The following TBC1D32 variants were observed in gnomAD, a reference collection of about 807,000 sequenced individuals.
The protein encoded by TBC1D32 is TBC1 domain family member 32, also known as protein broad-minded.
In TBC1D32, 151 loss-of-function variants were observed where a neutral mutation model predicts 170.3. That is an observed-to-expected ratio of 0.89 (90% confidence interval 0.78 to 1.01). The LOEUF (loss-of-function observed/expected upper bound fraction) is 1.01. Among genes scored for constraint, TBC1D32 ranks in the 50% least tolerant of loss-of-function variants. The pLI is 0.00. For missense variants in TBC1D32, 1,464 were observed against 1,457.1 expected, an observed-to-expected ratio of 1.00 and a Z score of -0.08; for synonymous variants, 498 against 488.0, an observed-to-expected ratio of 1.02 and a Z score of -0.27.
At chr6:121,199,326 G>C (rs201260503) in intron 22 of TBC1D32, among the ~76,000 whole-genome samples, 1 of 151,194 alleles carries the variant, frequency 6.6e-6, no homozygotes, top group Admixed American at 6.6e-5. Flanking sequence ...TTATAGGTGT[G>C]AATGGATAAT....
In TBC1D32 at chr6:121,141,798, T is replaced by TA. The variant is rs879733008; in HGVS notation, c.2774-10047dup. 1.9e-3 allele frequency among the ~76,000 whole-genome samples: 283 copies of TA among 145,400 alleles called. 2 individuals carry two copies. Among genetic ancestry groups the TA allele is most frequent in the Admixed American group, 4.3e-3 (63 of 14,500 alleles). On this transcript the variant is annotated intron_variant, in intron 24 of 31. Transcript: ENST00000398212. ...TCGGTCAGGGTGGTGGGAAAAGTTG[T>TA]AAAAAAAAAAAGTTACAGGAAAGAC...
At chr6:121,194,783 A>T (rs1790510653) in intron 22 of TBC1D32, among the ~76,000 whole-genome samples, 2 of 152,200 alleles carry the variant, frequency 1.3e-5, no homozygotes, top group Admixed American at 1.3e-4. Flanking sequence ...ACCCAGAGAG[A>T]ACTTGATTGC....
intron 24 of TBC1D32, among the ~76,000 whole-genome samples, chr6:121,147,601 AT>A (rs960199989): frequency 6.0e-5 from 9 of 150,012 alleles, no homozygotes; most frequent in African/African-American, 2.0e-4. Context: ...TTATTTTTTT[AT>A]TTTTTTTGAG....
At chr6:121,176,798 C>G (rs1389287586) in intron 22 of TBC1D32, among the ~76,000 whole-genome samples, 2 of 152,076 alleles carry the variant, frequency 1.3e-5, no homozygotes, top group African/African-American at 4.8e-5. Context: ...GGGGTTTCAC[C>G]ATGTTGGCCA....
At chr6:121,309,263 T>C (rs1458523077) in intron 4 of TBC1D32, among the ~76,000 whole-genome samples, 2 of 152,230 alleles carry the variant, frequency 1.3e-5, no homozygotes, top group Admixed American at 6.5e-5. Flanking sequence ...ATTAAGAATT[T>C]ACTACTTGCA....
chr6:121,188,576 AAGAT>A (rs1000315327), intron 22 of TBC1D32, among the ~76,000 whole-genome samples: 93 of 152,206 alleles, frequency 6.1e-4, no homozygotes, highest in African/African-American at 1.8e-3. Flanking sequence ...TAAACAAATC[AAGAT>A]AGTGTAAGCG....
intron 17 of TBC1D32, among the ~76,000 whole-genome samples, chr6:121,248,922 A>C (rs1391418333): frequency 6.6e-6 from 1 of 151,902 alleles, no homozygotes; most frequent in Non-Finnish European, 1.5e-5. Flanking sequence ...CCAAAAGATA[A>C]AGAGAGAATC....
intron 24 of TBC1D32, among the ~76,000 whole-genome samples, chr6:121,145,395 T>G (rs1317152178): frequency 1.3e-5 from 2 of 152,084 alleles, no homozygotes; most frequent in Admixed American, 6.6e-5. Flanking sequence ...ATAATCTCGC[T>G]TATGTGCAAA....
At chr6:121,325,515 C>T (rs896009977) in intron 1 of TBC1D32, among the ~76,000 whole-genome samples, 9 of 152,230 alleles carry the variant, frequency 5.9e-5, no homozygotes, top group Admixed American at 3.9e-4. Flanking sequence ...CAAAAACAAG[C>T]AATGGGGAAA....
At chr6:121,126,665 T>C (rs1450861525) in intron 25 of TBC1D32, among the ~76,000 whole-genome samples, 1 of 152,086 alleles carries the variant, frequency 6.6e-6, no homozygotes, top group African/African-American at 2.4e-5. Context: ...GCTAAGAACC[T>C]AGTCAATATA....
chr6:121,241,137 G>A (rs887642105), intron 19 of TBC1D32, among the ~76,000 whole-genome samples: 5 of 152,112 alleles, frequency 3.3e-5, no homozygotes, highest in African/African-American at 1.2e-4. Context: ...ACTGTACTGA[G>A]AGAAGATGAT....
At chr6:121,229,257 A>G (rs988779718) in intron 20 of TBC1D32, among the ~76,000 whole-genome samples, 3 of 152,082 alleles carry the variant, frequency 2.0e-5, no homozygotes, top group East Asian at 3.9e-4. Flanking sequence ...TTTATTTCTC[A>G]GGTGTACATA....
At chr6:121,326,426 T>C (rs151169720) in intron 1 of TBC1D32, among the ~76,000 whole-genome samples, 2,422 of 152,304 alleles carry the variant, frequency 0.016, 75 homozygotes, top group African/African-American at 0.055. Flanking sequence ...ATCTGACCGC[T>C]ATACATGTAT....
chr6:121,137,150 A>G (rs139374598), intron 24 of TBC1D32, among the ~76,000 whole-genome samples: 21 of 152,212 alleles, frequency 1.4e-4, no homozygotes, highest in Non-Finnish European at 2.5e-4. Flanking sequence ...TTCACTTCTT[A>G]AGACTAAATA....
At chr6:121,308,219 T>C in intron 4 of TBC1D32, 118 bp from the exon 5 acceptor site, 2 of 970,658 alleles carry the variant, frequency 2.1e-6, no homozygotes, top group Non-Finnish European at 3.1e-6. Context: ...TAAAGAATGA[T>C]TTATCAGATG....
At chr6:121,269,209 A>G (rs1173955085) in intron 15 of TBC1D32, among the ~76,000 whole-genome samples, 4 of 152,156 alleles carry the variant, frequency 2.6e-5, no homozygotes, top group Non-Finnish European at 4.4e-5. Context: ...ATCAACTAAC[A>G]AGCAAAATAA....
In TBC1D32 at chr6:121,098,473, T is replaced by A. The variant is rs941080940; in HGVS notation, c.3466-7432A>T. On this transcript the variant is annotated intron_variant, in intron 30 of 31. Transcript: ENST00000398212. ...TCCGCAAGTCAATTCACTTCATTGA[T>A]CGTGAATTTCTCCATGTGTCACACA... Among the ~76,000 whole-genome samples, 3 of 151,918 alleles carry A rather than the reference T, an allele frequency of 2.0e-5. No homozygotes were observed. The South Asian group carries it at 6.2e-4, about 31-fold the overall frequency.
intron 26 of TBC1D32, among the ~76,000 whole-genome samples, chr6:121,122,176 C>T (rs1478189190): frequency 6.6e-6 from 1 of 151,870 alleles, no homozygotes; most frequent in East Asian, 1.9e-4. Context: ...TTCTGTTGGC[C>T]CTATCTTTAA....
At chr6:121,313,105 G>GGT (rs71018125) in intron 3 of TBC1D32, among the ~76,000 whole-genome samples, 1,307 of 111,164 alleles carry the variant, frequency 0.012, 11 homozygotes, top group African/African-American at 0.022. Flanking sequence ...AAGCTAAGGT[G>GGT]GTGTGTGTGT....
Sources: gnomAD v4.1 joint callset for allele counts (sites outside exome capture counted in the v4.1 genomes callset) on GRCh38, gnomAD v4.1.1 for gene constraint, MANE v1.5 for transcripts, NCBI Gene and HGNC (gene_info 2026-07-23, HGNC 2026-07-21) for gene names.